ZFHX3: variants seen among roughly 807,000 people sequenced by gnomAD.
The protein encoded by ZFHX3 is zinc finger homeobox 3.
ZFHX3 carries 42 observed loss-of-function variants against 279.1 expected under a neutral mutation model. That is an observed-to-expected ratio of 0.15 (90% CI 0.12 to 0.19). The LOEUF is 0.19. Ranked by LOEUF, ZFHX3 falls within the 10% of genes least tolerant of loss-of-function variation. The probability of loss-of-function intolerance (pLI) is 1.00; values close to 1 mark genes in which losing one functional copy is unlikely to be tolerated. For missense variants in ZFHX3, 4,981 were observed against 4,754.0 expected, an observed-to-expected ratio of 1.05 and a Z score of -1.40; for synonymous variants, 2,293 against 1,957.8, an observed-to-expected ratio of 1.17 and a Z score of -4.52.
At chr16:73,572,701 C>T (rs980583995) in intron 2 of ZFHX3, among the ~76,000 whole-genome samples, 1 of 152,206 alleles carries the variant, frequency 6.6e-6, no homozygotes, top group African/African-American at 2.4e-5. Context: ...ATGCCTTGTG[C>T]CTGGCTTGTA....
chr16:73,888,860 C>T (rs997727947), intron 1 of ZFHX3, among the ~76,000 whole-genome samples: 2 of 151,906 alleles, frequency 1.3e-5, no homozygotes, highest in African/African-American at 4.8e-5. Flanking sequence ...AAAAAAAAAC[C>T]GGGAAGGATC....
At chr16:72,937,393 G>A (rs1820429108) in intron 3 of ZFHX3, among the ~76,000 whole-genome samples, 2 of 152,204 alleles carry the variant, frequency 1.3e-5, no homozygotes, top group South Asian at 2.1e-4. Flanking sequence ...GGCAAAGGCG[G>A]CTGAAAGGTC....
At chr16:72,898,822 A>T (rs2038963174) in intron 3 of ZFHX3, among the ~76,000 whole-genome samples, 1 of 151,974 alleles carries the variant, frequency 6.6e-6, no homozygotes, top group Admixed American at 6.6e-5. Flanking sequence ...TGGTGAATGA[A>T]CACCCCCTAC....
At position 73,833,113 on chromosome 16, in the gene ZFHX3, A is replaced by C. The variant is rs1961043463; in HGVS notation, c.-1608+58538T>G. ...AAAAATTTATTTAGCTTATAATCCC[A>C]GCACTTTGAGAGGCTGAGGCAGAAG... On this transcript the variant is annotated intron_variant, in intron 1 of 17. Transcript: ENST00000641206. Among the ~76,000 whole-genome samples the C allele has an allele frequency of 2.0e-5, 3 of 152,320 alleles. No homozygotes were observed. In the South Asian group the frequency reaches 6.2e-4, roughly 32 times the overall value.
At chr16:72,997,280 G>A (rs1963332382) in intron 1 of ZFHX3, among the ~76,000 whole-genome samples, 1 of 152,100 alleles carries the variant, frequency 6.6e-6, no homozygotes, top group Admixed American at 6.6e-5. Context: ...CTTGCATATG[G>A]GCTGTGAAAC....
chr16:73,622,214 C>G (rs1194711501), intron 2 of ZFHX3, among the ~76,000 whole-genome samples: 1 of 152,114 alleles, frequency 6.6e-6, no homozygotes, highest in Admixed American at 6.6e-5. Flanking sequence ...GCCACAGATC[C>G]AGGTTTTGTG....
intron 4 of ZFHX3, among the ~76,000 whole-genome samples, chr16:72,873,876 C>T (rs1290113194): frequency 6.6e-6 from 1 of 152,148 alleles, no homozygotes; most frequent in East Asian, 1.9e-4. Flanking sequence ...CACAGATTTC[C>T]ACCACATAAT....
chr16:73,072,151 T>C (rs908666155), intron 8 of ZFHX3, among the ~76,000 whole-genome samples: 2 of 152,134 alleles, frequency 1.3e-5, no homozygotes, highest in East Asian at 1.9e-4. Flanking sequence ...CTGGGTTGGA[T>C]AGAAAATCAG....
intron 2 of ZFHX3, among the ~76,000 whole-genome samples, chr16:73,636,401 G>A (rs755567469): frequency 2.6e-5 from 4 of 152,058 alleles, no homozygotes; most frequent in African/African-American, 9.6e-5. Flanking sequence ...TAGAAATTCC[G>A]GCCAAAGCAA....
At chr16:73,407,539 C>T (rs1295767243) in intron 3 of ZFHX3, among the ~76,000 whole-genome samples, 1 of 152,166 alleles carries the variant, frequency 6.6e-6, no homozygotes, top group Non-Finnish European at 1.5e-5. Context: ...AGTTCAATGA[C>T]TTGCAAGAGA....
At position 72,793,631 on chromosome 16, in the gene ZFHX3, C is replaced by T. The variant is rs774542512; in HGVS notation, c.9051G>A (p.Thr3017=). 1.2e-5 allele frequency: 19 copies of T among 1,614,024 alleles called. No homozygotes were observed. The highest frequency in any genetic ancestry group is 2.2e-5 in the East Asian group (1 of 44,880). Residue 3017 remains threonine, a synonymous_variant, in exon 9 of 10, where the codon ACG becomes ACA. Transcript: ENST00000268489. This position sits in a 1 kb window ranked among gnomAD's most constrained non-coding sequence, Gnocchi z 4.3. ...SMAKHFGINQ[T]SYEGPKTECT... ...ACTCTGTTTTGGGTCCCTCATAACT[C>T]GTTTGGTTTATACCAAAATGCTTGG...
At chr16:73,155,124 G>T (rs1021123355) in intron 5 of ZFHX3, among the ~76,000 whole-genome samples, 1 of 145,682 alleles carries the variant, frequency 6.9e-6, no homozygotes, top group African/African-American at 2.5e-5. Context: ...AGTGAGCTAA[G>T]ATTGGGCCAT....
chr16:73,346,384 T>G (rs1318278126), intron 3 of ZFHX3, among the ~76,000 whole-genome samples: 1 of 152,086 alleles, frequency 6.6e-6, no homozygotes, highest in African/African-American at 2.4e-5. Context: ...AGGCAGCATC[T>G]CCCCACTCAG....
upstream of ZFHX3, among the ~76,000 whole-genome samples, chr16:73,048,740 C>G (rs1191656100): frequency 6.6e-6 from 1 of 152,260 alleles, no homozygotes; most frequent in African/African-American, 2.4e-5. Context: ...CACACCCATC[C>G]TATTAACTGC....
intron 2 of ZFHX3, among the ~76,000 whole-genome samples, chr16:73,471,590 C>G (rs1006574385): frequency 3.3e-5 from 5 of 152,104 alleles, no homozygotes; most frequent in Non-Finnish European, 7.4e-5. Flanking sequence ...CTCTTTCTTT[C>G]TAAACATCAT....
intron 4 of ZFHX3, among the ~76,000 whole-genome samples, chr16:73,257,515 C>A (rs1272010549): frequency 1.3e-5 from 2 of 152,210 alleles, no homozygotes; most frequent in Non-Finnish European, 2.9e-5. Flanking sequence ...CTGAATACAA[C>A]CTCATTTCAA....
intron 1 of ZFHX3, among the ~76,000 whole-genome samples, chr16:73,804,123 C>G (rs1009366550): frequency 1.3e-5 from 2 of 152,196 alleles, no homozygotes; most frequent in African/African-American, 4.8e-5. Flanking sequence ...TGCTACTGCA[C>G]TCCAGCTTGG....
rs568006522 is a variant in ZFHX3, at chr16:73,138,834, C to T, written c.-1024+4918G>A. On this transcript the variant is annotated intron_variant, in intron 6 of 17. Coordinates refer to the ZFHX3 transcript ENST00000641206. ...TCCCGAGTAGCTGGGACCACAGGCA[C>T]GCACCACTATGCCTGGCTTATTTTT... Among the ~76,000 whole-genome samples the T allele has an allele frequency of 9.2e-5, 14 of 152,246 alleles. 1 individual carries two copies. The highest frequency in any genetic ancestry group is 3.9e-4 in the East Asian group (2 of 5,176).
chr16:73,349,242 C>A (rs1051899781), intron 3 of ZFHX3, among the ~76,000 whole-genome samples: 1 of 152,152 alleles, frequency 6.6e-6, no homozygotes, highest in Non-Finnish European at 1.5e-5. Flanking sequence ...GGCAACAATC[C>A]CCGGGAATTC....
Sources: allele counts gnomAD v4.1 joint callset (sites outside exome capture counted in the v4.1 genomes callset), GRCh38; gene constraint gnomAD v4.1.1; non-coding constraint Gnocchi (gnomAD v3.1); transcripts MANE v1.5; gene names NCBI Gene and HGNC (gene_info 2026-07-23, HGNC 2026-07-21).